The following THADA variants were observed in gnomAD, a reference collection of about 807,000 sequenced individuals.
THADA encodes THADA armadillo repeat containing.
THADA carries 213 observed loss-of-function variants against 219.8 expected under a neutral mutation model. The ratio of observed to expected loss-of-function variants is 0.97; its 90% confidence interval spans 0.87 to 1.09. The LOEUF (loss-of-function observed/expected upper bound fraction) is 1.09, where lower values mean the gene tolerates loss of function less well. Among genes scored for constraint, THADA ranks in the 50% least tolerant of loss-of-function variants. The probability of loss-of-function intolerance (pLI) is 0.00; values close to 1 mark genes in which losing one functional copy is unlikely to be tolerated. For missense variants in THADA, 2,956 were observed against 2,311.3 expected (o/e 1.28, Z -5.72); for synonymous variants, 1,018 against 828.9 (o/e 1.23, Z -3.92).
chr2:43,589,660 A>T (rs1701349976), intron 4 of THADA, among the ~76,000 whole-genome samples: 1 of 152,224 alleles, frequency 6.6e-6, no homozygotes, highest in Non-Finnish European at 1.5e-5. Flanking sequence ...AGAATGATAC[A>T]ATGGCCTTTG....
intron 26 of THADA, among the ~76,000 whole-genome samples, chr2:43,483,579 T>C (rs1686512252): frequency 6.6e-6 from 1 of 152,250 alleles, no homozygotes; most frequent in South Asian, 2.1e-4. Flanking sequence ...AGAAATCTTA[T>C]ATATTTTGTA....
intron 36 of THADA, among the ~76,000 whole-genome samples, chr2:43,258,495 C>G (rs905691749): frequency 2.6e-5 from 4 of 151,862 alleles, no homozygotes; most frequent in Admixed American, 2.6e-4. Context: ...GCACTCCAGC[C>G]CAGGCAACAA....
chr2:43,321,588 C>T (rs1252705351), intron 30 of THADA, among the ~76,000 whole-genome samples: 3 of 152,182 alleles, frequency 2.0e-5, no homozygotes, highest in Non-Finnish European at 2.9e-5. Flanking sequence ...GGCTTGATTT[C>T]CTCTCTGTCT....
chr2:43,533,693 G>A (rs571806438), intron 21 of THADA, among the ~76,000 whole-genome samples: 2 of 152,260 alleles, frequency 1.3e-5, no homozygotes, highest in East Asian at 3.9e-4. Context: ...TGAACAATGA[G>A]AACACATGGA....
At chr2:43,529,694 G>C (rs1018962892) in intron 21 of THADA, among the ~76,000 whole-genome samples, 5 of 152,084 alleles carry the variant, frequency 3.3e-5, no homozygotes, top group African/African-American at 9.7e-5. Context: ...TCTTGATCCA[G>C]GTCTCCCCAA....
chr2:43,590,359 T>A (rs1003095488), intron 4 of THADA, among the ~76,000 whole-genome samples: 1 of 152,096 alleles, frequency 6.6e-6, no homozygotes, highest in African/African-American at 2.4e-5. Context: ...GCATGTGACC[T>A]AAGAAGGCTT....
Position 43,310,027 on chromosome 2 carries a change from A to G in THADA, c.4438+10419T>C, listed in dbSNP as rs1677307502. Among the ~76,000 whole-genome samples the G allele has an allele frequency of 5.3e-5, 8 of 152,354 alleles. No homozygotes were observed. In the South Asian group the frequency reaches 1.7e-3, roughly 32 times the overall value. Reference sequence around the variant, plus strand: ...AAAGATGTGCATGAAGTATATGTGCACTGAAAACTATAAAACACCCACTGA... The same window carrying G: ...AAAGATGTGCATGAAGTATATGTGCGCTGAAAACTATAAAACACCCACTGA... On this transcript the variant is annotated intron_variant, in intron 31 of 37. Coordinates refer to ENST00000405975, the MANE Select transcript of THADA (RefSeq NM_022065.5).
At chr2:43,441,758 G>A (rs971694315) in intron 26 of THADA, among the ~76,000 whole-genome samples, 1 of 152,186 alleles carries the variant, frequency 6.6e-6, no homozygotes, top group African/African-American at 2.4e-5. Context: ...TACTTTAAAA[G>A]GCCAAGATCA....
chr2:43,594,391 C>T (rs1701919876), intron 1 of THADA, among the ~76,000 whole-genome samples: 2 of 152,106 alleles, frequency 1.3e-5, no homozygotes, highest in South Asian at 4.2e-4. Context: ...ACCAGCCTGG[C>T]CAACATGGTG....
chr2:43,465,117 T>C (rs1197097086), intron 26 of THADA, among the ~76,000 whole-genome samples: 2 of 152,208 alleles, frequency 1.3e-5, no homozygotes, highest in Non-Finnish European at 2.9e-5. Context: ...ATACCTTCTC[T>C]ACACTATGTA....
At position 43,293,223 on chromosome 2, in the gene THADA, A is replaced by C. The variant is rs191347201; in HGVS notation, c.4439-10T>G. 7.6e-6 allele frequency: 12 copies of C among 1,584,850 alleles called. No individual in the cohort carries two copies. In the Admixed American group the frequency reaches 1.4e-4, roughly 19 times the overall value. On this transcript the variant is annotated splice_polypyrimidine_tract_variant and intron_variant, in intron 31 of 37. Coordinates refer to ENST00000405975, the MANE Select transcript of THADA (RefSeq NM_022065.5). ...CCAAGACTCTCCAGAACTAAGAAGC[A>C]AAAAAAGCAAAAGGGAAAGAGATAA...
At chr2:43,432,554 C>T (rs1337738001) in intron 26 of THADA, among the ~76,000 whole-genome samples, 2 of 151,448 alleles carry the variant, frequency 1.3e-5, no homozygotes, top group Non-Finnish European at 2.9e-5. Flanking sequence ...GGATTAATAT[C>T]CGAGAATAAA....
intron 25 of THADA, chr2:43,492,404 A>G (rs1687755421): frequency 6.6e-6 from 1 of 152,164 alleles, no homozygotes; most frequent in South Asian, 2.1e-4. Context: ...ATATATGTGT[A>G]TATTTTTCTT....
chr2:43,592,250 C>G, intron 2 of THADA, 67 bp downstream of exon 2: 1 of 1,163,866 alleles, frequency 8.6e-7, no homozygotes, highest in Non-Finnish European at 1.2e-6. Flanking sequence ...CTAGGGGTCC[C>G]AGTCATTAAA....
intron 29 of THADA, among the ~76,000 whole-genome samples, chr2:43,354,476 A>G (rs1558629675): frequency 6.6e-6 from 1 of 151,592 alleles, no homozygotes; most frequent in Non-Finnish European, 1.5e-5. Flanking sequence ...TATCTAATTA[A>G]CTATATTTTT....
chr2:43,546,724 T>A (rs1430986250), intron 20 of THADA, among the ~76,000 whole-genome samples: 2 of 152,108 alleles, frequency 1.3e-5, no homozygotes, highest in African/African-American at 2.4e-5. Flanking sequence ...ATTTGCTTGG[T>A]AGATCTTCCT....
chr2:43,476,362 C>T (rs1023689023), intron 26 of THADA, among the ~76,000 whole-genome samples: 1 of 152,114 alleles, frequency 6.6e-6, no homozygotes, highest in African/African-American at 2.4e-5. Flanking sequence ...GGAAGCTTGC[C>T]TGGGGCTCAT....
Position 43,552,285 on chromosome 2 carries a change from G to A in THADA, c.2729C>T (p.Ser910Phe), listed in dbSNP as rs1052367886. The A allele has an allele frequency of 5.6e-6, 9 of 1,610,730 alleles. No homozygotes were observed. The highest frequency in any genetic ancestry group is 7.6e-6 in the Non-Finnish European group (9 of 1,179,004). The change falls in exon 18 of 38, where the codon TCT becomes TTT. Residue 910 changes from serine to phenylalanine, a missense_variant. By Grantham distance (155) the Ser-to-Phe change is radical. Transcript: ENST00000405975. ...AAATGCTGCTGCTGCCTGAAGCAGA[G>A]AATTTTCAGCCTGAGATACTTCTTC... Reference protein sequence around the residue: ...LEEEVSQAENSLLQAAAAFPM... With the variant: ...LEEEVSQAENFLLQAAAAFPM...
chr2:43,503,491 G>C (rs1026643433), intron 24 of THADA, among the ~76,000 whole-genome samples: 1 of 152,124 alleles, frequency 6.6e-6, no homozygotes, highest in Admixed American at 6.5e-5. Flanking sequence ...GAAAATGCTT[G>C]GGAATGATAG....
Sources: allele counts gnomAD v4.1 joint callset (sites outside exome capture counted in the v4.1 genomes callset), GRCh38; gene constraint gnomAD v4.1.1; transcripts MANE v1.5; gene names NCBI Gene and HGNC (gene_info 2026-07-23, HGNC 2026-07-21).